SCN3A: variants seen among roughly 807,000 people sequenced by gnomAD.
SCN3A encodes the protein sodium channel protein type 3 subunit alpha.
In SCN3A, 60 loss-of-function variants were observed where a neutral mutation model predicts 187.6. The observed-to-expected ratio is 0.32, with a 90% CI of 0.26 to 0.40. SCN3A has a LOEUF of 0.40. Among genes scored for constraint, SCN3A ranks in the 10% least tolerant of loss-of-function variants. The probability of loss-of-function intolerance (pLI) is 1.00; values close to 1 mark genes in which losing one functional copy is unlikely to be tolerated. For synonymous variants in SCN3A, 788 were observed against 829.2 expected, an observed-to-expected ratio of 0.95 and a Z score of 0.85; for missense variants, 1,601 against 2,428.2, an observed-to-expected ratio of 0.66 and a Z score of 7.16.
intron 4 of SCN3A, among the ~76,000 whole-genome samples, chr2:165,169,806 C>T (rs1293616122): frequency 6.6e-6 from 1 of 151,890 alleles, no homozygotes; most frequent in Non-Finnish European, 1.5e-5. Context: ...GAAATCCAAA[C>T]ATATTCTGCC....
At position 165,137,881 on chromosome 2, in the gene SCN3A, G is replaced by C; in HGVS notation, c.2389C>G (p.Leu797Val). 1 of 1,600,684 alleles carries C rather than the reference G, an allele frequency of 6.2e-7. No individual in the cohort carries two copies. The highest frequency in any genetic ancestry group is 8.6e-7 in the Non-Finnish European group (1 of 1,168,058). Reference sequence around the variant, plus strand: ...AAGTAAACTTCAAATGTACTTACCAGGTTTCCTACAGTCAACACACTACTG... The same window carrying C: ...AAGTAAACTTCAAATGTACTTACCACGTTTCCTACAGTCAACACACTACTG... ...QFSSVLTVGN[L>V]VFTGIFTAEM... Residue 797 changes from leucine to valine, a missense_variant and splice_region_variant, in exon 15 of 28, where the codon CTG (leucine) becomes GTG (valine). Physicochemically the swap from Leu to Val is conservative, Grantham distance 32. This residue lies in a region of SCN3A where 376 missense variants were observed against 476.0 expected (regional missense o/e 0.79). Coordinates refer to ENST00000283254, the MANE Select transcript of SCN3A (RefSeq NM_006922.4).
At chr2:165,195,560 A>C (rs930422723) in intron 1 of SCN3A, 5 of 152,270 alleles carry the variant, frequency 3.3e-5, no homozygotes, top group African/African-American at 1.2e-4. Flanking sequence ...TGAGAGAATA[A>C]ATAGAAACTA....
At chr2:165,189,980 A>G (rs562991751) in intron 1 of SCN3A, among the ~76,000 whole-genome samples, 2 of 152,310 alleles carry the variant, frequency 1.3e-5, no homozygotes, top group Admixed American at 1.3e-4. Context: ...TTTGCACAAG[A>G]ACAGAAGCAG....
At chr2:165,094,253 A>C in intron 26 of SCN3A, 121 bp downstream of exon 26, 2 of 810,866 alleles carry the variant, frequency 2.5e-6, no homozygotes, top group Admixed American at 3.6e-5. Context: ...CAAAATATGA[A>C]CTTTATAATT....
chr2:165,113,009 A>C lies in SCN3A; in HGVS notation c.3719T>G (p.Leu1240Arg). 6.2e-7 allele frequency: 1 copy of C among 1,613,008 alleles called. No individual in the cohort carries two copies. The highest frequency in any genetic ancestry group is 8.5e-7 in the Non-Finnish European group (1 of 1,179,516). Residue 1240 changes from leucine to arginine, a missense_variant, in exon 21 of 28, where the codon CTA becomes CGA. Transcript: ENST00000283254. The stretch of plus-strand genomic sequence containing the variant: ...GGTAAAGACTTTGTCAGCATATTCT[A>C]GCATGGTTTTGATAGTCTTTCGCTG... ...IEQRKTIKTM[L>R]EYADKVFTYI...
intron 14 of SCN3A, among the ~76,000 whole-genome samples, chr2:165,138,804 CAT>C (rs1202525019): frequency 2.0e-5 from 3 of 152,002 alleles, no homozygotes; most frequent in Non-Finnish European, 2.9e-5. Context: ...TTCTAAAGAA[CAT>C]ATGTTAGAAT....
chr2:165,097,321 T>G lies in SCN3A; in HGVS notation c.4170A>C (p.Gln1390His). Residue 1390 changes from glutamine (Q) to histidine (H), a missense_variant, in exon 23 of 28, where the codon CAA becomes CAC. Transcript: ENST00000283254. ...NLSDCQALGK[Q>H]ARWKNVKVNF... ...TTACTTTCACGTTTTTCCACCGAGC[T>G]TGCTTGCCAAGAGCCTGACAGTCAC... The G allele has an allele frequency of 6.2e-7, 1 of 1,614,100 alleles. No homozygotes were observed. Among genetic ancestry groups the G allele is most frequent in the Non-Finnish European group, 8.5e-7 (1 of 1,179,988 alleles).
intron 1 of SCN3A, among the ~76,000 whole-genome samples, chr2:165,189,321 G>A: frequency 6.6e-6 from 1 of 152,172 alleles, no homozygotes; most frequent in East Asian, 1.9e-4. Flanking sequence ...GTTGCAATTA[G>A]TTAAACTAAG....
chr2:165,105,708 G>C (rs1685818618), intron 21 of SCN3A, among the ~76,000 whole-genome samples: 1 of 152,046 alleles, frequency 6.6e-6, no homozygotes, highest in Non-Finnish European at 1.5e-5. Context: ...AGTCAGAAAT[G>C]GAAGTCCAGA....
rs1223640484 is a variant in SCN3A at position 165,089,228 on chromosome 2, A to G, written c.*922T>C. ...CAAACATGCACCACAGGATAAAATA[A>G]CTATTTACATAACATAGGGTATTTA... On this transcript the variant is annotated 3_prime_UTR_variant, in exon 28 of 28. Coordinates refer to ENST00000283254, the MANE Select transcript of SCN3A (RefSeq NM_006922.4). 6.6e-6 allele frequency: 1 copy of G among 152,574 alleles called. No homozygotes were observed. The highest frequency in any genetic ancestry group is 1.5e-5 in the Non-Finnish European group (1 of 68,002). The allele number at this position is 152,574 out of a possible 1,614,324, so 9.5% of individuals were successfully genotyped here.
chr2:165,146,643 A>G, intron 12 of SCN3A, 96 bp downstream of exon 12: 1 of 1,297,632 alleles, frequency 7.7e-7, no homozygotes, highest in Non-Finnish European at 1.1e-6. Context: ...TCCCTCACTG[A>G]AGTCAGATAG....
At chr2:165,097,775 G>A (rs1303435672) in intron 22 of SCN3A, among the ~76,000 whole-genome samples, 2 of 152,122 alleles carry the variant, frequency 1.3e-5, no homozygotes, top group Non-Finnish European at 2.9e-5. Flanking sequence ...ACCTGGTATA[G>A]TAAGATGGAG....
intron 2 of SCN3A, among the ~76,000 whole-genome samples, chr2:165,186,143 G>A (rs898468433): frequency 6.6e-6 from 1 of 151,968 alleles, no homozygotes; most frequent in African/African-American, 2.4e-5. Flanking sequence ...TGTGGCAGGC[G>A]CCTGTAGTCT....
chr2:165,140,542 C>G lies in SCN3A; in HGVS notation c.2019+109G>C. On this transcript the variant is annotated intron_variant, in intron 13 of 27. Transcript: ENST00000283254. The surrounding 1 kb of genome is among the most constrained non-coding windows in gnomAD (Gnocchi z 4.2). ...TTGATTAATCATGTATTATTTTTAC[C>G]AACTTTCATTTTGAGGAAGCAGGAC... 1.1e-6 allele frequency: 1 copy of G among 896,382 alleles called. No homozygotes were observed. Among genetic ancestry groups the G allele is most frequent in the Non-Finnish European group, 1.8e-6 (1 of 546,998 alleles). 55.5% of individuals were successfully genotyped at this position (896,382 alleles called of 1,614,324 possible).
intron 1 of SCN3A, among the ~76,000 whole-genome samples, chr2:165,195,964 C>G (rs1313388530): frequency 6.6e-6 from 1 of 152,024 alleles, no homozygotes; most frequent in Non-Finnish European, 1.5e-5. Flanking sequence ...AATGTTTCCT[C>G]AAAAGAATCT....
intron 1 of SCN3A, among the ~76,000 whole-genome samples, chr2:165,191,338 C>T (rs947536646): frequency 1.3e-5 from 2 of 152,078 alleles, no homozygotes; most frequent in Admixed American, 6.6e-5. Context: ...ACATAGAAAT[C>T]GAATCATATC....
At chr2:165,118,863 C>A (rs372811168) in intron 18 of SCN3A, among the ~76,000 whole-genome samples, 2 of 152,118 alleles carry the variant, frequency 1.3e-5, no homozygotes, top group African/African-American at 4.8e-5. Flanking sequence ...CCTGGGTTCA[C>A]ACAATTCTCC....
intron 1 of SCN3A, among the ~76,000 whole-genome samples, chr2:165,202,865 C>A (rs551175464): frequency 6.6e-6 from 1 of 151,934 alleles, no homozygotes; most frequent in Non-Finnish European, 1.5e-5. Flanking sequence ...TATTTTAAAA[C>A]CCTGTATGAT....
At chr2:165,100,160 A>T in intron 22 of SCN3A, 142 bp downstream of exon 22, 1 of 1,003,774 alleles carries the variant, frequency 1.0e-6, no homozygotes. Context: ...TCAGAAGGCT[A>T]GGCTTTGTGA....
Sources: gnomAD v4.1 joint callset for allele counts (sites outside exome capture counted in the v4.1 genomes callset) on GRCh38, gnomAD v4.1.1 for gene constraint, gnomAD v4.1.1 regional missense constraint, Gnocchi (gnomAD v3.1) non-coding constraint, MANE v1.5 for transcripts, NCBI Gene and HGNC (gene_info 2026-07-23, HGNC 2026-07-21) for gene names.